The following LEPR variants were observed in gnomAD, a reference collection of about 807,000 sequenced individuals.
The protein encoded by LEPR is leptin receptor.
A neutral mutation model predicts 114.7 loss-of-function variants in LEPR; 56 were observed. The observed-to-expected ratio is 0.49, with a 90% CI of 0.39 to 0.61. The LOEUF is 0.61. Ranked by LOEUF, LEPR falls within the 20% of genes least tolerant of loss-of-function variation. The pLI is 0.00. For missense variants in LEPR, 1,202 were observed against 1,352.9 expected (o/e 0.89, Z 1.75); for synonymous variants, 443 against 461.4 (o/e 0.96, Z 0.51).
At chr1:65,470,814 C>G (rs964278808) in intron 2 of LEPR, among the ~76,000 whole-genome samples, 3 of 152,096 alleles carry the variant, frequency 2.0e-5, no homozygotes, top group African/African-American at 7.2e-5. Context: ...AACCTTATTT[C>G]AAAAATGTGC....
At chr1:65,423,374 G>GA (rs565824302) in intron 1 of LEPR, among the ~76,000 whole-genome samples, 1 of 151,526 alleles carries the variant, frequency 6.6e-6, no homozygotes, top group Non-Finnish European at 1.5e-5. Flanking sequence ...GAAAAAAGAG[G>GA]AAAAAAAAGA....
rs767993120 is a variant in LEPR, at chr1:65,596,591, G to A, written c.847G>A (p.Glu283Lys). The A allele has an allele frequency of 3.1e-6, 5 of 1,611,528 alleles. No homozygotes were observed. In the African/African-American group the frequency reaches 6.7e-5, roughly 22 times the overall value. ...YSENSTTVIREADKIVSATSL... is the reference protein window; with the variant it reads ...YSENSTTVIRKADKIVSATSL... Reference sequence around the variant, plus strand: ...AGAGAATTCTACAACAGTTATCAGAGAAGTAAGTATATTTTAGTAAGTAAA... The same window carrying A: ...AGAGAATTCTACAACAGTTATCAGAAAAGTAAGTATATTTTAGTAAGTAAA... The change falls in exon 7 of 20, where the codon GAA (glutamate) becomes AAA (lysine). Residue 283 changes from glutamate (E) to lysine (K), a missense_variant and splice_region_variant. By Grantham distance (56) the Glu-to-Lys change is moderately conservative. Coordinates refer to ENST00000349533, the MANE Select transcript of LEPR (RefSeq NM_002303.6).
chr1:65,499,600 G>T (rs893173598), intron 2 of LEPR, among the ~76,000 whole-genome samples: 1 of 152,104 alleles, frequency 6.6e-6, no homozygotes, highest in African/African-American at 2.4e-5. Context: ...GAGAAATGTT[G>T]TCAGGTTTAG....
chr1:65,572,116 AAGGAAACTG>A (rs1356329112), intron 4 of LEPR, among the ~76,000 whole-genome samples: 1 of 151,788 alleles, frequency 6.6e-6, no homozygotes, highest in African/African-American at 2.4e-5. Context: ...CTTTAGAAAA[AAGGAAACTG>A]AGGGCCAGAG....
At chr1:65,485,420 G>T (rs188051468) in intron 2 of LEPR, among the ~76,000 whole-genome samples, 15 of 152,242 alleles carry the variant, frequency 9.9e-5, no homozygotes, top group Non-Finnish European at 1.5e-4. Context: ...AGGCAAAGAT[G>T]AGGGAGCCAG....
intron 2 of LEPR, among the ~76,000 whole-genome samples, chr1:65,453,937 C>G (rs1361539615): frequency 2.6e-5 from 4 of 150,960 alleles, no homozygotes; most frequent in African/African-American, 7.3e-5. Context: ...GTAGGTCACT[C>G]AGGACTTGCT....
chr1:65,456,668 T>C (rs1172273395), intron 2 of LEPR, among the ~76,000 whole-genome samples: 1 of 152,208 alleles, frequency 6.6e-6, no homozygotes, highest in Non-Finnish European at 1.5e-5. Flanking sequence ...TGGTATATCT[T>C]TATCCATTTG....
intron 2 of LEPR, among the ~76,000 whole-genome samples, chr1:65,545,365 C>A (rs544146008): frequency 6.6e-6 from 1 of 152,106 alleles, no homozygotes; most frequent in Non-Finnish European, 1.5e-5. Context: ...AGTTCTAGAT[C>A]CCTGAGGAAT....
chr1:65,482,784 G>A (rs889612242), intron 2 of LEPR, among the ~76,000 whole-genome samples: 14 of 152,016 alleles, frequency 9.2e-5, no homozygotes, highest in African/African-American at 2.7e-4. Flanking sequence ...TCAGGAGTTC[G>A]AGACCAGCTT....
intron 2 of LEPR, among the ~76,000 whole-genome samples, chr1:65,472,931 C>T (rs1311171984): frequency 6.6e-6 from 1 of 152,172 alleles, no homozygotes; most frequent in African/African-American, 2.4e-5. Context: ...TTCAAAAACT[C>T]ATCTAATGCA....
chr1:65,454,303 G>C (rs566986415), intron 2 of LEPR, among the ~76,000 whole-genome samples: 2 of 151,906 alleles, frequency 1.3e-5, no homozygotes, highest in Non-Finnish European at 1.5e-5. Flanking sequence ...ATATTGTTAT[G>C]TGTGAATCTG....
intron 2 of LEPR, among the ~76,000 whole-genome samples, chr1:65,483,946 CTTT>C (rs537664644): frequency 3.4e-5 from 5 of 147,712 alleles, no homozygotes; most frequent in African/African-American, 1.2e-4. Context: ...CCCTTCTCTC[CTTT>C]TTTTTTTGAG....
chr1:65,552,678 G>T (rs1159621023), intron 2 of LEPR, among the ~76,000 whole-genome samples: 2 of 152,170 alleles, frequency 1.3e-5, no homozygotes, highest in Non-Finnish European at 2.9e-5. Flanking sequence ...CAATTTGGCA[G>T]TCTGTGTCTT....
At chr1:65,424,891 A>G (rs190199153) in intron 1 of LEPR, among the ~76,000 whole-genome samples, 27 of 152,294 alleles carry the variant, frequency 1.8e-4, no homozygotes, top group African/African-American at 6.0e-4. Flanking sequence ...CCACCTCCTG[A>G]TAGCATCTCA....
chr1:65,582,972 ACT>A (rs1389840897), intron 5 of LEPR, among the ~76,000 whole-genome samples: 1 of 152,142 alleles, frequency 6.6e-6, no homozygotes, highest in Admixed American at 6.6e-5. Flanking sequence ...TCAACAAGTG[ACT>A]CTGGCCACGA....
At chr1:65,454,151 C>A (rs562132740) in intron 2 of LEPR, among the ~76,000 whole-genome samples, 92 of 151,790 alleles carry the variant, frequency 6.1e-4, no homozygotes, top group African/African-American at 2.2e-3. Context: ...CTTCCTCCAT[C>A]CTTTTATTTT....
chr1:65,574,587 A>C (rs979824310), intron 5 of LEPR, among the ~76,000 whole-genome samples: 4 of 152,176 alleles, frequency 2.6e-5, no homozygotes, highest in Non-Finnish European at 5.9e-5. Context: ...CCACTTACTA[A>C]ATGCACTCAC....
chr1:65,629,412 C>T (rs1570859635), intron 19 of LEPR: 1 of 428,068 alleles, frequency 2.3e-6, no homozygotes, highest in East Asian at 7.8e-5. Context: ...ACTGAATTTG[C>T]ATTGTTATGA....
chr1:65,543,683 A>G (rs1341895272), intron 2 of LEPR, among the ~76,000 whole-genome samples: 3 of 152,002 alleles, frequency 2.0e-5, no homozygotes, highest in Admixed American at 6.5e-5. Context: ...AGTTTTCTGC[A>G]TATGGCTAGC....
Sources: allele counts gnomAD v4.1 joint callset (sites outside exome capture counted in the v4.1 genomes callset), GRCh38; gene constraint gnomAD v4.1.1; transcripts MANE v1.5; gene names NCBI Gene and HGNC (gene_info 2026-07-23, HGNC 2026-07-21).